RAB38: variants seen among roughly 807,000 people sequenced by gnomAD.
RAB38 encodes RAB38, member RAS oncogene family, also known as ras-related protein Rab-38.
In RAB38, 15 loss-of-function variants were observed where a neutral mutation model predicts 18.4. That is an observed-to-expected ratio of 0.82 (90% CI 0.55 to 1.26). RAB38 has a LOEUF of 1.26. Ranked by LOEUF, RAB38 falls within the 50% of genes most tolerant of loss-of-function variation. The pLI, the probability that RAB38 is intolerant of heterozygous loss-of-function variation, is 0.00. For synonymous variants in RAB38, 101 were observed against 104.4 expected, an observed-to-expected ratio of 0.97 and a Z score of 0.20; for missense variants, 294 against 267.4, an observed-to-expected ratio of 1.10 and a Z score of -0.69.
At chr11:87,926,724 G>A in the RAB38 span, among the ~76,000 whole-genome samples, 1 of 151,996 alleles carries the variant, frequency 6.6e-6, no homozygotes, top group Non-Finnish European at 1.5e-5. Flanking sequence ...TCAAGGATGA[G>A]CAAGAGCAGA....
chr11:88,081,996 A>G, the RAB38 span, among the ~76,000 whole-genome samples: 96,676 of 151,664 alleles, frequency 0.64, 31,227 homozygotes, highest in African/African-American at 0.73. Context: ...AAAAATTCCA[A>G]ACACAGAAAC....
rs553198016 is a variant in RAB38 at position 88,169,955 on chromosome 11, G to A, written c.202+5228C>T. On this transcript the variant is annotated intron_variant, in intron 1 of 2. Coordinates refer to ENST00000243662, the MANE Select transcript of RAB38 (RefSeq NM_022337.3). ...TCACCTAAGTACTTTCACATACCAG[G>A]CACTTTATATATACATACATATATT... 1.9e-4 allele frequency among the ~76,000 whole-genome samples: 29 copies of A among 152,132 alleles called. No homozygotes were observed. The South Asian group carries it at 5.8e-3, about 30-fold the overall frequency.
chr11:87,840,015 G>T, the RAB38 span, among the ~76,000 whole-genome samples: 1 of 152,172 alleles, frequency 6.6e-6, no homozygotes, highest in African/African-American at 2.4e-5. Context: ...AAACCAGTGA[G>T]CCCATGTAAT....
At chr11:87,846,781 A>G in the RAB38 span, among the ~76,000 whole-genome samples, 4 of 152,100 alleles carry the variant, frequency 2.6e-5, no homozygotes, top group African/African-American at 9.6e-5. Context: ...TGAGACTACA[A>G]TCTGGAGTAC....
the RAB38 span, chr11:88,098,005 GTGATT>G: frequency 1.3e-5 from 2 of 151,900 alleles, no homozygotes; most frequent in Admixed American, 1.3e-4. Context: ...ACCTGTCCTT[GTGATT>G]TGATTTATCA....
the RAB38 span, among the ~76,000 whole-genome samples, chr11:88,034,844 T>C: frequency 6.6e-6 from 1 of 152,232 alleles, no homozygotes; most frequent in African/African-American, 2.4e-5. Flanking sequence ...TAAATTTACA[T>C]TTATGTTAGT....
chr11:88,093,919 G>A, the RAB38 span, among the ~76,000 whole-genome samples: 4 of 151,814 alleles, frequency 2.6e-5, no homozygotes, highest in African/African-American at 7.2e-5. Flanking sequence ...ACTTATCTTC[G>A]AAAGGGCTCC....
At chr11:88,057,717 T>A in the RAB38 span, among the ~76,000 whole-genome samples, 1 of 152,112 alleles carries the variant, frequency 6.6e-6, no homozygotes, top group African/African-American at 2.4e-5. Flanking sequence ...GTTACAAAAG[T>A]TTTTAGCCTG....
At chr11:87,853,439 A>G in the RAB38 span, among the ~76,000 whole-genome samples, 1 of 152,182 alleles carries the variant, frequency 6.6e-6, no homozygotes, top group African/African-American at 2.4e-5. Context: ...GCCAGGAGGA[A>G]GGTCTTCAAA....
chr11:88,091,700 C>A, the RAB38 span, among the ~76,000 whole-genome samples: 1 of 151,962 alleles, frequency 6.6e-6, no homozygotes, highest in Non-Finnish European at 1.5e-5. Context: ...CCAAATGTTG[C>A]AGGACAGGCA....
At chr11:87,892,635 A>G in the RAB38 span, among the ~76,000 whole-genome samples, 2 of 151,728 alleles carry the variant, frequency 1.3e-5, no homozygotes, top group Non-Finnish European at 2.9e-5. Context: ...CCCCACTGCA[A>G]TTTCTACTCA....
the RAB38 span, among the ~76,000 whole-genome samples, chr11:88,084,477 G>A: frequency 6.6e-6 from 1 of 151,662 alleles, no homozygotes; most frequent in Non-Finnish European, 1.5e-5. Flanking sequence ...AAAATGACCT[G>A]GTGAAGGATT....
chr11:88,028,878 A>G, the RAB38 span, among the ~76,000 whole-genome samples: 4 of 152,288 alleles, frequency 2.6e-5, no homozygotes, highest in South Asian at 8.3e-4. Flanking sequence ...AATATAGAGA[A>G]TGCCACAAAG....
At chr11:87,849,268 T>G in the RAB38 span, among the ~76,000 whole-genome samples, 1 of 152,132 alleles carries the variant, frequency 6.6e-6, no homozygotes, top group African/African-American at 2.4e-5. Flanking sequence ...CCCAGGACAA[T>G]GCTAGTTTAT....
chr11:88,089,210 C>T, the RAB38 span, among the ~76,000 whole-genome samples: 1 of 150,658 alleles, frequency 6.6e-6, no homozygotes, highest in Admixed American at 6.6e-5. Context: ...AGATGCTGAT[C>T]TTGTGACACT....
At chr11:87,880,357 C>A in the RAB38 span, among the ~76,000 whole-genome samples, 1 of 151,858 alleles carries the variant, frequency 6.6e-6, no homozygotes, top group Non-Finnish European at 1.5e-5. Context: ...AGATATCTTT[C>A]CTGCTCTTCT....
the RAB38 span, among the ~76,000 whole-genome samples, chr11:87,852,189 G>A: frequency 6.6e-6 from 1 of 151,998 alleles, no homozygotes; most frequent in African/African-American, 2.4e-5. Context: ...TCACATGAAG[G>A]TTTTATGACC....
At chr11:88,134,479 T>C (rs1032115493) in intron 2 of RAB38, among the ~76,000 whole-genome samples, 2 of 152,152 alleles carry the variant, frequency 1.3e-5, no homozygotes, top group Non-Finnish European at 2.9e-5. Context: ...TGACCTTAAG[T>C]GATTCCCCTC....
At chr11:88,026,300 A>T in the RAB38 span, among the ~76,000 whole-genome samples, 1 of 151,706 alleles carries the variant, frequency 6.6e-6, no homozygotes, top group Non-Finnish European at 1.5e-5. Flanking sequence ...GCGCTGGCTC[A>T]CACCTGTAAT....
Sources: allele counts gnomAD v4.1 joint callset (sites outside exome capture counted in the v4.1 genomes callset), GRCh38; gene constraint gnomAD v4.1.1; transcripts MANE v1.5; gene names NCBI Gene and HGNC (gene_info 2026-07-23, HGNC 2026-07-21).